PCDH11X: variants seen among roughly 807,000 people sequenced by gnomAD.
PCDH11X encodes protocadherin 11 X-linked, also known as protocadherin-11 X-linked.
In PCDH11X, 18 loss-of-function variants were observed where a neutral mutation model predicts 53.3. That is an observed-to-expected ratio of 0.34 (90% CI 0.23 to 0.50). PCDH11X has a LOEUF of 0.50. Among genes scored for constraint, PCDH11X ranks in the 20% least tolerant of loss-of-function variants. PCDH11X has a pLI of 0.98. For missense variants in PCDH11X, 570 were observed against 1,032.4 expected (o/e 0.55, Z 6.14); for synonymous variants, 279 against 393.3 (o/e 0.71, Z 3.44).
intron 10 of PCDH11X, among the ~76,000 whole-genome samples, chrX:92,531,046 TAGAA>T (rs2074544627): frequency 9.0e-6 from 1 of 110,513 alleles, no homozygotes; most frequent in African/African-American, 3.3e-5. Context: ...ACACTAGAAA[TAGAA>T]AGGCTTCCTT....
At position 92,504,309 on chromosome X, in the gene PCDH11X, T is replaced by G. The variant is rs372193080; in HGVS notation, c.3367+35987T>G. Among the ~76,000 whole-genome samples, 10 of 106,154 alleles carry G rather than the reference T, an allele frequency of 9.4e-5. No homozygotes were observed. The East Asian group carries it at 3.1e-3, about 33-fold the overall frequency. The allele number at this position is 106,154 out of a possible 115,157, so 92.2% of individuals were successfully genotyped here. Reference sequence around the variant, plus strand: ...TCCTGGTGTCTATTGTTCCCTTCTTTGTGTCCATGCATCCTTAATATTTAG... The same window carrying G: ...TCCTGGTGTCTATTGTTCCCTTCTTGGTGTCCATGCATCCTTAATATTTAG... On this transcript the variant is annotated intron_variant, in intron 10 of 10. Coordinates refer to ENST00000682573, the MANE Select transcript of PCDH11X (RefSeq NM_032968.5).
chrX:92,535,969 A>C (rs2148731459), intron 10 of PCDH11X, among the ~76,000 whole-genome samples: 1 of 107,548 alleles, frequency 9.3e-6, no homozygotes, highest in African/African-American at 3.4e-5. Context: ...GTCATTAAAA[A>C]GTATTTTGTT....
At chrX:91,914,790 G>T (rs747000792) in intron 6 of PCDH11X, among the ~76,000 whole-genome samples, 1 of 112,069 alleles carries the variant, frequency 8.9e-6, no homozygotes. Flanking sequence ...GTGTTCCTGA[G>T]AAGAGAAATC....
At chrX:92,535,364 C>T (rs1418575762) in intron 10 of PCDH11X, among the ~76,000 whole-genome samples, 1 of 111,332 alleles carries the variant, frequency 9.0e-6, no homozygotes, top group Non-Finnish European at 1.9e-5. Flanking sequence ...AGGTCATGTC[C>T]TTTGGAGGAA....
In PCDH11X at chrX:91,848,890, C is replaced by A. The variant is rs778593124; in HGVS notation, c.540+12846C>A. Among the ~76,000 whole-genome samples, 180 of 110,889 alleles carry A rather than the reference C, an allele frequency of 1.6e-3. 1 individual carries two copies. The highest frequency in any genetic ancestry group is 2.7e-3 in the South Asian group (7 of 2,619). Reference sequence around the variant, plus strand: ...CGATGAAGACTTCTACTTTACAATTCAACTATGCATATCAGGATTACTGAT... The same window carrying A: ...CGATGAAGACTTCTACTTTACAATTAAACTATGCATATCAGGATTACTGAT... On this transcript the variant is annotated intron_variant, in intron 5 of 10. Coordinates refer to ENST00000682573, the MANE Select transcript of PCDH11X (RefSeq NM_032968.5).
chrX:92,540,025 G>A (rs1359370121), intron 10 of PCDH11X, among the ~76,000 whole-genome samples: 1 of 110,831 alleles, frequency 9.0e-6, no homozygotes, highest in Non-Finnish European at 1.9e-5. Flanking sequence ...ACAACACTGA[G>A]TCTCACCAAA....
intron 1 of PCDH11X, among the ~76,000 whole-genome samples, chrX:91,806,284 A>C (rs1936105149): frequency 8.8e-6 from 1 of 114,072 alleles, no homozygotes; most frequent in Admixed American, 9.3e-5. Context: ...AAAGAGTTTG[A>C]TATCCACTAG....
At chrX:92,276,299 G>A (rs754702898) in intron 8 of PCDH11X, among the ~76,000 whole-genome samples, 1 of 107,132 alleles carries the variant, frequency 9.3e-6, no homozygotes, top group Non-Finnish European at 1.9e-5. Flanking sequence ...GATGGTCTAG[G>A]GGCTTCCGAG....
chrX:92,322,609 ACT>A (rs2069241195), intron 8 of PCDH11X, among the ~76,000 whole-genome samples: 2 of 111,490 alleles, frequency 1.8e-5, no homozygotes, highest in Admixed American at 1.9e-4. Context: ...TAAACAGATA[ACT>A]CTACAAATAT....
At chrX:91,819,926 G>A (rs982301278) in intron 4 of PCDH11X, among the ~76,000 whole-genome samples, 3 of 98,805 alleles carry the variant, frequency 3.0e-5, no homozygotes, top group African/African-American at 1.2e-4. Flanking sequence ...GTGGTGTTTG[G>A]TTTTTTGTTC....
chrX:91,815,243 A>G (rs1225794168), intron 4 of PCDH11X, among the ~76,000 whole-genome samples: 1 of 112,171 alleles, frequency 8.9e-6, no homozygotes, highest in Admixed American at 9.5e-5. Context: ...ATATAAAAAC[A>G]TTTTATGACT....
At chrX:92,514,427 A>G (rs2074218892) in intron 10 of PCDH11X, among the ~76,000 whole-genome samples, 1 of 108,432 alleles carries the variant, frequency 9.2e-6, no homozygotes, top group Non-Finnish European at 1.9e-5. Context: ...GTTTGAAGTG[A>G]TCAAAATTAA....
At chrX:92,174,669 C>T (rs1387638581) in intron 6 of PCDH11X, among the ~76,000 whole-genome samples, 4 of 111,669 alleles carry the variant, frequency 3.6e-5, no homozygotes, top group Admixed American at 9.6e-5. Context: ...GCTCTGATAA[C>T]GTCCGCTAAA....
chrX:92,293,583 A>G (rs1355580008), intron 8 of PCDH11X, among the ~76,000 whole-genome samples: 1 of 104,088 alleles, frequency 9.6e-6, no homozygotes, highest in Non-Finnish European at 1.9e-5. Flanking sequence ...AGATCGCGCC[A>G]CTGCACTCCA....
At chrX:91,875,104 T>G (rs1270299122) in intron 5 of PCDH11X, among the ~76,000 whole-genome samples, 1 of 109,825 alleles carries the variant, frequency 9.1e-6, no homozygotes, top group Non-Finnish European at 1.9e-5. Context: ...AATCTTAAAG[T>G]CCTCCTCCGA....
intron 6 of PCDH11X, among the ~76,000 whole-genome samples, chrX:92,091,662 AT>A (rs1452997891): frequency 1.8e-5 from 2 of 111,440 alleles, no homozygotes; most frequent in African/African-American, 6.5e-5. Flanking sequence ...CTTCCAGGCT[AT>A]TGGTAAATTG....
At chrX:92,280,160 A>G (rs964199909) in intron 8 of PCDH11X, among the ~76,000 whole-genome samples, 2 of 112,245 alleles carry the variant, frequency 1.8e-5, no homozygotes, top group African/African-American at 6.5e-5. Flanking sequence ...TACTCGGTCT[A>G]GGTGTGTAGT....
chrX:92,274,602 A>G (rs977703853), intron 8 of PCDH11X, among the ~76,000 whole-genome samples: 4 of 110,596 alleles, frequency 3.6e-5, no homozygotes, highest in Non-Finnish European at 5.7e-5. Flanking sequence ...CCTGGGTGGG[A>G]GCAAATCCTC....
In PCDH11X at chrX:92,262,580, G is replaced by T. The variant is rs762904489; in HGVS notation, c.3115-534G>T. Among the ~76,000 whole-genome samples, 370 of 111,403 alleles carry T rather than the reference G, an allele frequency of 3.3e-3. 1 individual carries two copies. Among genetic ancestry groups the T allele is most frequent in the Middle Eastern group, 0.019 (4 of 216 alleles). On this transcript the variant is annotated intron_variant, in intron 7 of 10. Coordinates refer to ENST00000682573, the MANE Select transcript of PCDH11X (RefSeq NM_032968.5). ...TAGTTGAACAGAGTTGATTTAAGAT[G>T]CCCCTATGAACAACAGAAACTATTG...
Sources: gnomAD v4.1 joint callset for allele counts (sites outside exome capture counted in the v4.1 genomes callset) on GRCh38, gnomAD v4.1.1 for gene constraint, MANE v1.5 for transcripts, NCBI Gene and HGNC (gene_info 2026-07-23, HGNC 2026-07-21) for gene names.